Variants in DLGAP2 observed in about 807,000 individuals in gnomAD.
DLGAP2 encodes the protein DLG associated protein 2, also known as disks large-associated protein 2.
DLGAP2 carries 26 observed loss-of-function variants against 100.3 expected under a neutral mutation model. The ratio of observed to expected loss-of-function variants is 0.26; its 90% CI spans 0.19 to 0.36. The LOEUF (loss-of-function observed/expected upper bound fraction) is 0.36. Ranked by LOEUF, DLGAP2 falls within the 10% of genes least tolerant of loss-of-function variation. The probability of loss-of-function intolerance (pLI) is 1.00; values close to 1 mark genes in which losing one functional copy is unlikely to be tolerated. For missense variants in DLGAP2, 1,858 were observed against 1,453.2 expected (o/e 1.28, Z -4.53); for synonymous variants, 886 against 630.1 (o/e 1.41, Z -6.08).
intron 1 of DLGAP2, among the ~76,000 whole-genome samples, chr8:825,731 A>G (rs561968275): frequency 5.3e-5 from 8 of 152,100 alleles, no homozygotes; most frequent in Non-Finnish European, 1.0e-4. Flanking sequence ...TATTAGGTGT[A>G]TTTATTTATG....
At chr8:903,709 G>A (rs1321282115) in intron 1 of DLGAP2, among the ~76,000 whole-genome samples, 1 of 152,142 alleles carries the variant, frequency 6.6e-6, no homozygotes, top group Non-Finnish European at 1.5e-5. Flanking sequence ...CCCCGGTGAT[G>A]TTATGGCTGA....
chr8:1,699,182 C>T (rs954441699), intron 14 of DLGAP2, among the ~76,000 whole-genome samples: 2 of 152,220 alleles, frequency 1.3e-5, no homozygotes, highest in African/African-American at 4.8e-5. Flanking sequence ...GTGAGCCCAT[C>T]TACCCAAGCT....
At chr8:1,214,711 C>T (rs1220221145) in intron 2 of DLGAP2, among the ~76,000 whole-genome samples, 1 of 152,242 alleles carries the variant, frequency 6.6e-6, no homozygotes, top group Non-Finnish European at 1.5e-5. Flanking sequence ...GCACCTAGTT[C>T]TTCGCACAGA....
Position 1,549,223 on chromosome 8 carries a change from C to G in DLGAP2, c.770C>G (p.Thr257Ser), listed in dbSNP as rs1365191214. The G allele has an allele frequency of 3.1e-6, 5 of 1,604,240 alleles. No individual in the cohort carries two copies. The highest frequency in any genetic ancestry group is 1.1e-5 in the South Asian group (1 of 90,078). The change falls in exon 5 of 15, where the codon ACC becomes AGC. Residue 257 changes from threonine to serine, a missense_variant. By Grantham distance (58) the Thr-to-Ser change is moderately conservative. Transcript: ENST00000637795. ...EGSSKSNANG[T>S]KADGRADDHH... ...TCCTCCAAAAGCAACGCCAACGGCACCAAGGCGGACGGCCGGGCGGACGAC... is the reference window on the plus strand; with the variant it reads ...TCCTCCAAAAGCAACGCCAACGGCAGCAAGGCGGACGGCCGGGCGGACGAC...
intron 13 of DLGAP2, 97 bp from the exon 14 acceptor site, chr8:1,697,050 C>G: frequency 2.3e-6 from 3 of 1,286,742 alleles, no homozygotes; most frequent in Non-Finnish European, 3.1e-6. Flanking sequence ...TCTCCCTAAT[C>G]CGCCTCTTGA....
At position 1,241,029 on chromosome 8, in the gene DLGAP2, A is replaced by C. The variant is rs79025745; in HGVS notation, c.74-17822A>C. 4.2e-3 allele frequency among the ~76,000 whole-genome samples: 16 copies of C among 3,806 alleles called. 4 individuals are homozygous for C. The highest frequency in any genetic ancestry group is 7.8e-3 in the African/African-American group (5 of 644). 2.5% of individuals were successfully genotyped at this position (3,806 alleles called of 152,430 possible). ...TTCTCTCTCACACATAGCGTCATGT[A>C]TAGTTCTGTCTCACACAGAGCATCG... is the stretch of plus-strand genomic sequence containing the variant. On this transcript the variant is annotated intron_variant, in intron 2 of 14. Transcript: ENST00000637795.
intron 2 of DLGAP2, among the ~76,000 whole-genome samples, chr8:986,250 C>T (rs1488624838): frequency 6.6e-6 from 1 of 152,182 alleles, no homozygotes; most frequent in Non-Finnish European, 1.5e-5. Context: ...AGAGCTGTGT[C>T]AGCCTGTTGA....
rs1490585318 is a variant in DLGAP2, at chr8:902,134, G to C, written c.19-5778G>C. Among the ~76,000 whole-genome samples, 7 of 152,198 alleles carry C rather than the reference G, an allele frequency of 4.6e-5. No individual in the cohort carries two copies. In the East Asian group the frequency reaches 5.8e-4, roughly 13 times the overall value. ...CAAGACACAGGCTGGACTGAGGCTG[G>C]GGCTAGCAGACTGGGGACAGTGCCC... On this transcript the variant is annotated intron_variant, in intron 1 of 14. Coordinates refer to ENST00000637795, the MANE Select transcript of DLGAP2 (RefSeq NM_001346810.2).
At chr8:1,521,018 A>G (rs1800577459) in intron 4 of DLGAP2, among the ~76,000 whole-genome samples, 2 of 152,128 alleles carry the variant, frequency 1.3e-5, no homozygotes, top group Non-Finnish European at 2.9e-5. Context: ...GGCGTGTGGT[A>G]CTGTTGGGGT....
chr8:1,129,485 A>C (rs1225579982), intron 2 of DLGAP2, among the ~76,000 whole-genome samples: 1 of 152,142 alleles, frequency 6.6e-6, no homozygotes, highest in African/African-American at 2.4e-5. Context: ...GAATTGAAGC[A>C]AGTCTTATCA....
At chr8:1,532,757 T>TG (rs1012321968) in intron 4 of DLGAP2, among the ~76,000 whole-genome samples, 1 of 152,246 alleles carries the variant, frequency 6.6e-6, no homozygotes, top group Non-Finnish European at 1.5e-5. Context: ...GAAAATACTC[T>TG]TTCTCTGCTT....
intron 2 of DLGAP2, among the ~76,000 whole-genome samples, chr8:965,619 C>T (rs1312614467): frequency 7.6e-6 from 1 of 131,690 alleles, no homozygotes; most frequent in Admixed American, 7.5e-5. Flanking sequence ...TCTGGCCCCG[C>T]ACTGCACACG....
intron 1 of DLGAP2, among the ~76,000 whole-genome samples, chr8:875,983 C>T (rs1315123355): frequency 6.6e-6 from 1 of 152,180 alleles, no homozygotes; most frequent in Admixed American, 6.5e-5. Context: ...AACGCAACAG[C>T]ACATTGTTAT....
intron 1 of DLGAP2, chr8:738,068 G>T (rs1820366403): frequency 7.1e-6 from 2 of 280,390 alleles, no homozygotes; most frequent in South Asian, 3.3e-4. Flanking sequence ...CGCGCTCGGG[G>T]GTGCCGGGAC....
intron 8 of DLGAP2, among the ~76,000 whole-genome samples, chr8:1,639,463 C>T (rs1171209031): frequency 6.6e-6 from 1 of 152,200 alleles, no homozygotes; most frequent in Non-Finnish European, 1.5e-5. Context: ...GGGTCCTGTG[C>T]CACCCCCGAC....
chr8:950,745 C>T (rs1261927096), intron 2 of DLGAP2, among the ~76,000 whole-genome samples: 1 of 151,744 alleles, frequency 6.6e-6, no homozygotes, highest in Non-Finnish European at 1.5e-5. Context: ...CCTCAGCCTC[C>T]CGAGTAGCTG....
chr8:1,069,750 G>T lies in DLGAP2; in HGVS notation c.73+161784G>T, dbSNP rs181405438. ...CCAAATGCTGAGTGCTGGCCTGAGG[G>T]CTTGGAATTCAACATCATGTTTGGA... On this transcript the variant is annotated intron_variant, in intron 2 of 14. Transcript: ENST00000637795. 8.7e-4 allele frequency among the ~76,000 whole-genome samples: 132 copies of T among 152,266 alleles called. 1 individual carries two copies. Among genetic ancestry groups the T allele is most frequent in the African/African-American group, 3.0e-3 (126 of 41,554 alleles).
intron 2 of DLGAP2, among the ~76,000 whole-genome samples, chr8:1,067,606 T>C (rs1216800504): frequency 4.1e-5 from 3 of 73,888 alleles, no homozygotes; most frequent in East Asian, 6.3e-4. Flanking sequence ...TTGAGTGACG[T>C]GTGTGTGTGT....
At position 1,066,277 on chromosome 8, in the gene DLGAP2, C is replaced by T. The variant is rs535840858; in HGVS notation, c.73+158311C>T. On this transcript the variant is annotated intron_variant, in intron 2 of 14. Coordinates refer to ENST00000637795, the MANE Select transcript of DLGAP2 (RefSeq NM_001346810.2). ...GGTCAGGTCTGAGCGAGGACAGCTC[C>T]CCACCACGGTCAGGTCTGAGCGAGG... 3.2e-4 allele frequency among the ~76,000 whole-genome samples: 47 copies of T among 148,622 alleles called. 2 individuals are homozygous for T. In the South Asian group the frequency reaches 9.3e-3, roughly 29 times the overall value.
Sources: allele counts gnomAD v4.1 joint callset (sites outside exome capture counted in the v4.1 genomes callset), GRCh38; gene constraint gnomAD v4.1.1; transcripts MANE v1.5; gene names NCBI Gene and HGNC (gene_info 2026-07-23, HGNC 2026-07-21).